Variants in RIC3 observed in about 807,000 individuals in gnomAD.
RIC3 encodes the protein protein RIC-3.
In RIC3, 28 loss-of-function variants were observed where a neutral mutation model predicts 27.3. The observed-to-expected ratio is 1.02, with a 90% CI of 0.76 to 1.41. The LOEUF is 1.41. Among genes scored for constraint, RIC3 ranks in the 40% most tolerant of loss-of-function variants. The pLI is 0.00. For synonymous variants in RIC3, 184 were observed against 160.4 expected (o/e 1.15, Z -1.11); for missense variants, 501 against 444.7 (o/e 1.13, Z -1.14).
intron 5 of RIC3, among the ~76,000 whole-genome samples, chr11:8,114,896 G>T (rs1307424895): frequency 6.6e-6 from 1 of 151,946 alleles, no homozygotes; most frequent in Non-Finnish European, 1.5e-5. Flanking sequence ...ATGAACCTTT[G>T]AATCTAAAGA....
intron 1 of RIC3, among the ~76,000 whole-genome samples, chr11:8,141,573 A>G (rs1324686984): frequency 6.6e-6 from 1 of 150,802 alleles, no homozygotes; most frequent in Non-Finnish European, 1.5e-5. Flanking sequence ...CCACACATTA[A>G]TAATGGGAGA....
chr11:8,097,703 C>T, the RIC3 span: 1 of 1,607,382 alleles, frequency 6.2e-7, no homozygotes. Context: ...GACCTCATTC[C>T]ACTCCCCAAG....
chr11:8,142,608 A>G (rs1216817564), intron 1 of RIC3, among the ~76,000 whole-genome samples: 1 of 147,398 alleles, frequency 6.8e-6, no homozygotes, highest in African/African-American at 2.6e-5. Flanking sequence ...ACAAGGAGGA[A>G]CTGGTACCAT....
chr11:8,151,080 G>T (rs1255790613), intron 1 of RIC3, among the ~76,000 whole-genome samples: 2 of 152,162 alleles, frequency 1.3e-5, no homozygotes, highest in Non-Finnish European at 2.9e-5. Context: ...CTGTGGATTA[G>T]GTGACAGTTT....
At chr11:8,151,935 G>A (rs986589598) in intron 1 of RIC3, among the ~76,000 whole-genome samples, 2 of 150,460 alleles carry the variant, frequency 1.3e-5, no homozygotes, top group Non-Finnish European at 3.0e-5. Context: ...AAAAAAAAGA[G>A]CAAGGGATCT....
At chr11:8,101,347 A>G, downstream of RIC3, 1 of 1,173,166 alleles carries the variant, frequency 8.5e-7, no homozygotes. Context: ...CCTTTGTTTT[A>G]CTTCCCTTTG....
Position 8,131,636 on chromosome 11 carries a change from C to G in RIC3, c.522-4829G>C, listed in dbSNP as rs139846938. ...TGAATAGGGGCCAGGTGCGGTGGCT[C>G]ACGACTGTAATCCCAGCACTTTGGG... On this transcript the variant is annotated intron_variant, in intron 4 of 5. Coordinates refer to ENST00000309737, the MANE Select transcript of RIC3 (RefSeq NM_001206671.4). Among the ~76,000 whole-genome samples the G allele has an allele frequency of 6.3e-3, 957 of 152,186 alleles. 22 individuals are homozygous for G. Among genetic ancestry groups the G allele is most frequent in the Admixed American group, 0.051 (781 of 15,282 alleles).
the RIC3 span, among the ~76,000 whole-genome samples, chr11:8,095,185 C>T: frequency 6.6e-6 from 1 of 152,194 alleles, no homozygotes; most frequent in Non-Finnish European, 1.5e-5. Context: ...AGTCCTTGTT[C>T]TCCATCTTGT....
intron 1 of RIC3, among the ~76,000 whole-genome samples, chr11:8,144,492 A>T (rs1282874165): frequency 2.7e-5 from 4 of 147,194 alleles, no homozygotes; most frequent in African/African-American, 1.0e-4. Context: ...ACCATCTCAC[A>T]CCAGTTAGAA....
intron 4 of RIC3, among the ~76,000 whole-genome samples, chr11:8,133,955 C>T (rs1223176957): frequency 6.6e-6 from 1 of 151,678 alleles, no homozygotes; most frequent in Admixed American, 6.6e-5. Flanking sequence ...AGGGGCCCTG[C>T]CCACAGAGGT....
intron 1 of RIC3, among the ~76,000 whole-genome samples, chr11:8,144,008 C>A (rs1949371522): frequency 6.6e-6 from 1 of 152,190 alleles, no homozygotes; most frequent in Admixed American, 6.5e-5. Context: ...CCCTTCCTTA[C>A]ACCTTATACA....
intron 1 of RIC3, among the ~76,000 whole-genome samples, chr11:8,155,861 C>T (rs537520138): frequency 6.6e-6 from 1 of 152,264 alleles, no homozygotes; most frequent in East Asian, 1.9e-4. Context: ...ATTGAGGAAG[C>T]TGTAGAAGCC....
intron 1 of RIC3, among the ~76,000 whole-genome samples, chr11:8,151,008 C>T (rs1195341869): frequency 6.6e-6 from 1 of 152,218 alleles, no homozygotes; most frequent in African/African-American, 2.4e-5. Context: ...GGATGAAAGA[C>T]CTAATTATAA....
intron 1 of RIC3, among the ~76,000 whole-genome samples, chr11:8,163,513 C>G (rs1426076224): frequency 6.6e-6 from 1 of 151,614 alleles, no homozygotes; most frequent in African/African-American, 2.4e-5. Context: ...TCTCTATATG[C>G]AGACAAGTTC....
At chr11:8,101,001 A>G in the RIC3 span, 2 of 1,614,078 alleles carry the variant, frequency 1.2e-6, no homozygotes, top group Non-Finnish European at 1.7e-6. Flanking sequence ...AATGACCGTG[A>G]GTGTTTCTGT....
At position 8,125,776 on chromosome 11, in the gene RIC3, C is replaced by A. The variant is rs115477206; in HGVS notation, c.670+883G>T. ...CCGGGCGCGGTGGCCCACAGGCCCA[C>A]ACCTATAATCCCAGCACTTTGAGGG... On this transcript the variant is annotated intron_variant, in intron 5 of 5. Transcript: ENST00000309737. 6.3e-3 allele frequency among the ~76,000 whole-genome samples: 961 copies of A among 152,316 alleles called. 12 individuals are homozygous for A. The highest frequency in any genetic ancestry group is 0.022 in the African/African-American group (935 of 41,560).
chr11:8,101,857 C>A (rs559270172), downstream of RIC3: 2 of 576,042 alleles, frequency 3.5e-6, no homozygotes, highest in Middle Eastern at 4.9e-4. Flanking sequence ...TCTTTCCATG[C>A]CACGAGATCA....
chr11:8,138,207 T>C (rs972950524), intron 3 of RIC3, 65 bp downstream of exon 3: 6 of 1,109,840 alleles, frequency 5.4e-6, no homozygotes, highest in Non-Finnish European at 8.3e-6. Flanking sequence ...CCACAGACTG[T>C]CCCTGTGGCT....
Position 8,108,211 on chromosome 11 carries a change from C to G in RIC3, c.*2487G>C, listed in dbSNP as rs1564946164. ...AGACCAACAACACTTTACATAACAGCCTCACCAAAATACTTGAACATCCAT... is the reference window on the plus strand; with the variant it reads ...AGACCAACAACACTTTACATAACAGGCTCACCAAAATACTTGAACATCCAT... On this transcript the variant is annotated 3_prime_UTR_variant, in exon 6 of 6. Transcript: ENST00000309737. The G allele has an allele frequency of 2.0e-5, 3 of 152,154 alleles. No individual in the cohort carries two copies. Among genetic ancestry groups the G allele is most frequent in the Non-Finnish European group, 2.9e-5 (2 of 68,032 alleles). 9.4% of individuals were successfully genotyped at this position (152,154 alleles called of 1,614,324 possible).
Sources: gnomAD v4.1 joint callset for allele counts (sites outside exome capture counted in the v4.1 genomes callset) on GRCh38, gnomAD v4.1.1 for gene constraint, MANE v1.5 for transcripts, NCBI Gene and HGNC (gene_info 2026-07-23, HGNC 2026-07-21) for gene names.